Variants in TMEM232 observed in about 807,000 individuals in gnomAD.
The protein encoded by TMEM232 is transmembrane protein 232.
Under a neutral mutation model 78.8 loss-of-function variants are expected in TMEM232, and 80 were observed. That is an observed-to-expected ratio of 1.01 (90% confidence interval 0.85 to 1.22). The LOEUF (loss-of-function observed/expected upper bound fraction) is 1.22, where lower values mean the gene tolerates loss of function less well. Ranked by LOEUF, TMEM232 falls within the 50% of genes most tolerant of loss-of-function variation. The probability of loss-of-function intolerance (pLI) is 0.00; values close to 1 mark genes in which losing one functional copy is unlikely to be tolerated. For synonymous variants in TMEM232, 297 were observed against 254.3 expected, an observed-to-expected ratio of 1.17 and a Z score of -1.60; for missense variants, 881 against 742.2, an observed-to-expected ratio of 1.19 and a Z score of -2.17.
intron 11 of TMEM232, among the ~76,000 whole-genome samples, chr5:110,541,863 C>G (rs1773160215): frequency 6.6e-6 from 1 of 152,072 alleles, no homozygotes; most frequent in Non-Finnish European, 1.5e-5. Flanking sequence ...GCAGGTTTTA[C>G]AAAAGTTTGA....
At chr5:110,723,664 C>T (rs1225051075) in intron 1 of TMEM232, among the ~76,000 whole-genome samples, 1 of 152,188 alleles carries the variant, frequency 6.6e-6, no homozygotes, top group Non-Finnish European at 1.5e-5. Context: ...GTACCACTAG[C>T]TTCCTATCCA....
intron 12 of TMEM232, among the ~76,000 whole-genome samples, chr5:110,428,551 C>T (rs1051908639): frequency 6.6e-6 from 1 of 151,636 alleles, no homozygotes; most frequent in Non-Finnish European, 1.5e-5. Context: ...ACAGCAAACA[C>T]ATCAAATTGA....
At chr5:110,539,964 G>A (rs1190864956) in intron 11 of TMEM232, among the ~76,000 whole-genome samples, 2 of 152,120 alleles carry the variant, frequency 1.3e-5, no homozygotes, top group African/African-American at 4.8e-5. Flanking sequence ...GCCAGGTTTT[G>A]CAGAATATGG....
intron 3 of TMEM232, among the ~76,000 whole-genome samples, chr5:110,391,638 G>A (rs6594450): frequency 0.28 from 42,352 of 151,998 alleles, 10,503 homozygotes; most frequent in African/African-American, 0.66. Context: ...GAAAGTTGTA[G>A]TTATGGACTA....
At chr5:110,696,260 T>C (rs998998538) in intron 1 of TMEM232, among the ~76,000 whole-genome samples, 2 of 152,178 alleles carry the variant, frequency 1.3e-5, no homozygotes, top group Non-Finnish European at 2.9e-5. Flanking sequence ...ACAAGCTTCA[T>C]GCTAAAAACT....
In TMEM232 at chr5:110,543,680, G is replaced by A. The variant is rs573700500; in HGVS notation, c.1456-14845C>T. Among the ~76,000 whole-genome samples, 10 of 152,218 alleles carry A rather than the reference G, an allele frequency of 6.6e-5. No homozygotes were observed. The East Asian group carries it at 1.9e-3, about 29-fold the overall frequency. On this transcript the variant is annotated intron_variant, in intron 11 of 13. Transcript: ENST00000455884. ...GATCTGCCTTCTAGACAGTGAGAAG[G>A]TCAACAGATATTAGTGCCTTTCAGG... is the stretch of plus-strand genomic sequence containing the variant.
chr5:110,587,663 GTATATATATATATATA>G (rs377139293), intron 10 of TMEM232, among the ~76,000 whole-genome samples: 1 of 96,262 alleles, frequency 1.0e-5, no homozygotes, highest in African/African-American at 4.1e-5. Flanking sequence ...GTACATGTAT[GTATATATATATATATA>G]TATATATATA....
At chr5:110,426,342 T>G (rs904759461) in intron 12 of TMEM232, among the ~76,000 whole-genome samples, 5 of 152,096 alleles carry the variant, frequency 3.3e-5, no homozygotes, top group African/African-American at 1.2e-4. Flanking sequence ...TTTGCCTGTT[T>G]GCTTACCATT....
At chr5:110,447,557 A>ATGAT (rs1759804999) in intron 12 of TMEM232, among the ~76,000 whole-genome samples, 1 of 152,206 alleles carries the variant, frequency 6.6e-6, no homozygotes, top group South Asian at 2.1e-4. Flanking sequence ...CAAGGCAAGA[A>ATGAT]TGATACATCA....
At chr5:110,666,228 A>G (rs1298107338) in intron 2 of TMEM232, among the ~76,000 whole-genome samples, 3 of 152,198 alleles carry the variant, frequency 2.0e-5, no homozygotes, top group Non-Finnish European at 4.4e-5. Flanking sequence ...ACTATCTGGT[A>G]GGCTGAAAAA....
chr5:110,596,858 C>T (rs372944282), intron 10 of TMEM232, among the ~76,000 whole-genome samples: 31 of 152,194 alleles, frequency 2.0e-4, no homozygotes, highest in African/African-American at 5.3e-4. Flanking sequence ...ATTGATGGGA[C>T]GTATCTCAAA....
chr5:110,513,236 A>G (rs1245069983), intron 12 of TMEM232, among the ~76,000 whole-genome samples: 1 of 152,176 alleles, frequency 6.6e-6, no homozygotes, highest in African/African-American at 2.4e-5. Context: ...GTTGGATTCA[A>G]CCTCTAAGCT....
At chr5:110,569,520 G>C (rs749336724) in intron 10 of TMEM232, among the ~76,000 whole-genome samples, 5 of 151,780 alleles carry the variant, frequency 3.3e-5, no homozygotes, top group Non-Finnish European at 5.9e-5. Context: ...ATAAGAAGAG[G>C]AAATGGTTCA....
chr5:110,727,638 A>T (rs1404941406), upstream of TMEM232, among the ~76,000 whole-genome samples: 2 of 152,202 alleles, frequency 1.3e-5, no homozygotes, highest in African/African-American at 4.8e-5. Context: ...AACGTAATAT[A>T]CAGGGATTGT....
chr5:110,394,709 A>G (rs911340839), intron 3 of TMEM232, among the ~76,000 whole-genome samples: 8 of 152,242 alleles, frequency 5.3e-5, no homozygotes, highest in African/African-American at 1.7e-4. Flanking sequence ...ATTCAGGAGC[A>G]TATTGTTTAA....
chr5:110,605,651 T>C (rs1353168775), intron 9 of TMEM232, among the ~76,000 whole-genome samples: 5 of 152,156 alleles, frequency 3.3e-5, no homozygotes, highest in African/African-American at 1.2e-4. Context: ...AAGGAACCTT[T>C]TGATATACAA....
intron 2 of TMEM232, among the ~76,000 whole-genome samples, chr5:110,654,394 T>C (rs1350747667): frequency 6.6e-6 from 1 of 152,224 alleles, no homozygotes; most frequent in East Asian, 1.9e-4. Flanking sequence ...CAGCACCATT[T>C]ATTAAATAGG....
intron 1 of TMEM232, among the ~76,000 whole-genome samples, chr5:110,679,724 T>C (rs552468233): frequency 4.3e-5 from 6 of 140,040 alleles, no homozygotes; most frequent in South Asian, 2.6e-4. Flanking sequence ...TTTATCTCCA[T>C]ATTAATTAGT....
intron 12 of TMEM232, among the ~76,000 whole-genome samples, chr5:110,426,986 C>T (rs145324248): frequency 1.4e-4 from 21 of 151,978 alleles, no homozygotes; most frequent in African/African-American, 4.1e-4. Flanking sequence ...TATCAAAAGA[C>T]CTTTAACATG....
Sources: gnomAD v4.1 joint callset for allele counts (sites outside exome capture counted in the v4.1 genomes callset) on GRCh38, gnomAD v4.1.1 for gene constraint, MANE v1.5 for transcripts, NCBI Gene and HGNC (gene_info 2026-07-23, HGNC 2026-07-21) for gene names.